FBXO4: variants seen among roughly 807,000 people sequenced by gnomAD.
FBXO4 encodes the protein F-box only protein 4.
Under a neutral mutation model 43.7 loss-of-function variants are expected in FBXO4, and 36 were observed. The ratio of observed to expected loss-of-function variants is 0.82; its 90% CI spans 0.63 to 1.09. FBXO4 has a LOEUF of 1.09. Among genes scored for constraint, FBXO4 ranks in the 50% least tolerant of loss-of-function variants. The pLI is 0.00. For missense variants in FBXO4, 435 were observed against 474.1 expected, an observed-to-expected ratio of 0.92 and a Z score of 0.77; for synonymous variants, 180 against 165.6, an observed-to-expected ratio of 1.09 and a Z score of -0.67.
In FBXO4 at chr5:41,925,408, C is replaced by A. The variant is rs953416559; in HGVS notation, c.99C>A (p.Thr33=). The A allele has an allele frequency of 2.2e-6, 3 of 1,384,668 alleles. No individual in the cohort carries two copies. Among genetic ancestry groups the A allele is most frequent in the Non-Finnish European group, 2.8e-6 (3 of 1,063,956 alleles). The allele number at this position is 1,384,668 out of a possible 1,614,324, so 85.8% of individuals were successfully genotyped here. A position where few individuals can be genotyped will look rare whatever the true frequency, so the allele number is the denominator to read the frequency against. ...CGGCCATCCTCAGCGGCTGGAAGAC[C>A]TTCTGGCAGTCAGTGAGCAAGGAGA... ...LEAAILSGWK[T]FWQSVSKERV... Residue 33 remains threonine (T), a synonymous_variant, in exon 1 of 7, where the codon ACC becomes ACA. Coordinates refer to ENST00000281623, the MANE Select transcript of FBXO4 (RefSeq NM_012176.3).
chr5:41,946,624 T>C (rs1276097443), downstream of FBXO4, among the ~76,000 whole-genome samples: 3 of 152,196 alleles, frequency 2.0e-5, no homozygotes, highest in Non-Finnish European at 4.4e-5. Context: ...CCAAGTGATA[T>C]CTAAAAATAC....
the FBXO4 span, among the ~76,000 whole-genome samples, chr5:42,017,400 AT>A: frequency 6.6e-6 from 1 of 151,458 alleles, no homozygotes; most frequent in African/African-American, 2.4e-5. Context: ...AAGGTAGTTT[AT>A]TTTATTTTAT....
chr5:41,979,391 T>C, the FBXO4 span, among the ~76,000 whole-genome samples: 1 of 152,240 alleles, frequency 6.6e-6, no homozygotes, highest in Non-Finnish European at 1.5e-5. Flanking sequence ...CTTGAAGTAG[T>C]ACAGCTATAG....
At chr5:42,009,960 T>C in the FBXO4 span, among the ~76,000 whole-genome samples, 1 of 152,178 alleles carries the variant, frequency 6.6e-6, no homozygotes, top group Admixed American at 6.5e-5. Flanking sequence ...TGGCAACCAC[T>C]GTTGTACTTC....
chr5:41,979,917 T>C, the FBXO4 span, among the ~76,000 whole-genome samples: 4 of 152,298 alleles, frequency 2.6e-5, 1 homozygote, highest in South Asian at 2.1e-4. Context: ...CACCAGAGGC[T>C]TAATTATAAC....
At chr5:42,002,948 C>T in the FBXO4 span, among the ~76,000 whole-genome samples, 1 of 152,122 alleles carries the variant, frequency 6.6e-6, no homozygotes, top group Non-Finnish European at 1.5e-5. Flanking sequence ...TTATAAAGCA[C>T]ATTTAGATTG....
the FBXO4 span, among the ~76,000 whole-genome samples, chr5:41,981,458 G>T: frequency 6.7e-6 from 1 of 150,234 alleles, no homozygotes; most frequent in South Asian, 2.1e-4. Flanking sequence ...TTTTGGGTTT[G>T]GATTTTTTTC....
At chr5:41,985,257 AC>A in the FBXO4 span, among the ~76,000 whole-genome samples, 1 of 152,184 alleles carries the variant, frequency 6.6e-6, no homozygotes, top group East Asian at 1.9e-4. Context: ...ATATTCTCAT[AC>A]TAAACCATCT....
chr5:41,962,353 T>C, the FBXO4 span, among the ~76,000 whole-genome samples: 1 of 152,276 alleles, frequency 6.6e-6, no homozygotes, highest in South Asian at 2.1e-4. Flanking sequence ...TCTTATTAGC[T>C]ATCCTGCCTT....
At chr5:41,960,794 G>A in the FBXO4 span, among the ~76,000 whole-genome samples, 2 of 151,566 alleles carry the variant, frequency 1.3e-5, no homozygotes, top group Admixed American at 1.3e-4. Flanking sequence ...TTTTATTTTG[G>A]TCTTTTTTTA....
the FBXO4 span, among the ~76,000 whole-genome samples, chr5:41,975,117 GA>G: frequency 1.3e-5 from 2 of 152,158 alleles, no homozygotes. Context: ...GAAAAGGTGA[GA>G]ACTTTACTTT....
the FBXO4 span, among the ~76,000 whole-genome samples, chr5:41,982,795 GC>G: frequency 1.5e-4 from 23 of 152,000 alleles, no homozygotes; most frequent in Non-Finnish European, 5.9e-5. Flanking sequence ...GTATACACGT[GC>G]CATGGTGTTT....
the FBXO4 span, among the ~76,000 whole-genome samples, chr5:41,984,050 T>TAAAACTATCTAGTATATA: frequency 6.6e-6 from 1 of 152,054 alleles, no homozygotes; most frequent in Admixed American, 6.5e-5. Context: ...AGATAGTGAA[T>TAAAACTATCTAGTATATA]AAAACTATCT....
the FBXO4 span, among the ~76,000 whole-genome samples, chr5:42,005,696 C>G: frequency 6.6e-6 from 1 of 152,074 alleles, no homozygotes. Flanking sequence ...TCCAGCTGTA[C>G]AGAAGTTGAT....
chr5:41,999,465 GTA>G, the FBXO4 span, among the ~76,000 whole-genome samples: 1,012 of 65,288 alleles, frequency 0.016, 10 homozygotes, highest in Middle Eastern at 0.042. Context: ...GTGTGTGTGT[GTA>G]TATATATATA....
the FBXO4 span, among the ~76,000 whole-genome samples, chr5:41,989,663 T>C: frequency 6.6e-6 from 1 of 152,174 alleles, no homozygotes; most frequent in East Asian, 1.9e-4. Flanking sequence ...ATTTCTTTAT[T>C]ATATTTGTCG....
At chr5:41,927,511 T>C (rs897800380) in intron 2 of FBXO4, among the ~76,000 whole-genome samples, 1 of 152,216 alleles carries the variant, frequency 6.6e-6, no homozygotes, top group African/African-American at 2.4e-5. Flanking sequence ...TTCTTAAAAG[T>C]CTCATGATCT....
At chr5:42,030,796 G>A in the FBXO4 span, among the ~76,000 whole-genome samples, 2,408 of 151,840 alleles carry the variant, frequency 0.016, 119 homozygotes, top group East Asian at 0.1. Context: ...AAGTGGGTGA[G>A]GGATATGAAC....
chr5:41,994,368 A>C, the FBXO4 span, among the ~76,000 whole-genome samples: 1 of 152,244 alleles, frequency 6.6e-6, no homozygotes, highest in Non-Finnish European at 1.5e-5. Flanking sequence ...TGACAATTAC[A>C]GTCCTTGTGT....
Sources: gnomAD v4.1 joint callset for allele counts (sites outside exome capture counted in the v4.1 genomes callset) on GRCh38, gnomAD v4.1.1 for gene constraint, MANE v1.5 for transcripts, NCBI Gene and HGNC (gene_info 2026-07-23, HGNC 2026-07-21) for gene names.